LY9: variants seen among roughly 807,000 people sequenced by gnomAD.
The protein encoded by LY9 is T-lymphocyte surface antigen Ly-9.
LY9 carries 59 observed loss-of-function variants against 64.6 expected under a neutral mutation model. The observed-to-expected ratio is 0.91, with a 90% confidence interval of 0.74 to 1.13. LY9 has a LOEUF of 1.13. LY9 is among the 50% of genes most tolerant of loss of function. LY9 has a pLI of 0.00. For missense variants in LY9, 789 were observed against 797.2 expected, an observed-to-expected ratio of 0.99 and a Z score of 0.12; for synonymous variants, 281 against 308.5, an observed-to-expected ratio of 0.91 and a Z score of 0.93.
At chr1:160,804,934 A>G (rs1225882401) in intron 2 of LY9, among the ~76,000 whole-genome samples, 1 of 151,948 alleles carries the variant, frequency 6.6e-6, no homozygotes, top group African/African-American at 2.4e-5. Flanking sequence ...GTATTCCTGT[A>G]ATGTCAGTTG....
intron 2 of LY9, chr1:160,802,191 T>A: frequency 8.2e-7 from 1 of 1,213,960 alleles, no homozygotes; most frequent in African/African-American, 1.6e-5. Flanking sequence ...CAGTGGGGTT[T>A]GTGCTTGGTC....
In LY9 at chr1:160,813,876, G is replaced by C; in HGVS notation, c.695G>C (p.Ser232Thr). ...GCCCAGAACCCCGTCAGCCAGAGAA[G>C]CTCCCTCCCTGTCCATGTTGGGCAG... ...CTAQNPVSQR[S>T]SLPVHVGQFC... The change falls in exon 3 of 10, where the codon AGC becomes ACC. Residue 232 changes from serine to threonine, a missense_variant. Physicochemically the swap from Ser to Thr is moderately conservative, Grantham distance 58 (BLOSUM62 1). Coordinates refer to ENST00000263285, the MANE Select transcript of LY9 (RefSeq NM_002348.4). The C allele has an allele frequency of 6.2e-7, 1 of 1,614,174 alleles. No homozygotes were observed. Among genetic ancestry groups the C allele is most frequent in the South Asian group, 1.1e-5 (1 of 91,078 alleles).
At chr1:160,816,977 G>A in intron 5 of LY9, 114 bp downstream of exon 5, 1 of 990,448 alleles carries the variant, frequency 1.0e-6, no homozygotes, top group Non-Finnish European at 1.5e-6. Flanking sequence ...GAGCCCTTTA[G>A]AGTGGCATGC....
Position 160,823,089 on chromosome 1 carries a change from T to C in LY9, c.1499-376T>C, listed in dbSNP as rs372795689. On this transcript the variant is annotated intron_variant, in intron 7 of 9. Coordinates refer to ENST00000263285, the MANE Select transcript of LY9 (RefSeq NM_002348.4). ...GATACTTGGCAAAGCTGGCCTTACA[T>C]TACTGATTTACACATGCACCTGACT... Among the ~76,000 whole-genome samples the C allele has an allele frequency of 1.4e-3, 208 of 152,276 alleles. 1 individual carries two copies. Among genetic ancestry groups the C allele is most frequent in the African/African-American group, 4.5e-3 (189 of 41,564 alleles).
At chr1:160,824,340 G>A in intron 9 of LY9, 91 bp downstream of exon 9, 1 of 1,569,658 alleles carries the variant, frequency 6.4e-7, no homozygotes, top group African/African-American at 1.4e-5. Flanking sequence ...AGATTCCCAT[G>A]GCTAAGGATC....
At chr1:160,809,394 A>G (rs1392898846) in intron 2 of LY9, among the ~76,000 whole-genome samples, 1 of 151,328 alleles carries the variant, frequency 6.6e-6, no homozygotes, top group Non-Finnish European at 1.5e-5. Flanking sequence ...TCATAGAGAC[A>G]TAGTCTCATT....
intron 2 of LY9, chr1:160,802,254 C>A: frequency 1.9e-6 from 2 of 1,036,386 alleles, no homozygotes; most frequent in South Asian, 7.4e-5. Context: ...GACTCCCAAG[C>A]CTGTCCACCC....
intron 2 of LY9, chr1:160,801,971 C>G: frequency 1.3e-6 from 2 of 1,596,104 alleles, no homozygotes; most frequent in Non-Finnish European, 1.7e-6. Context: ...ACCTCACCGC[C>G]GCGCAGCAGA....
rs530746407 is a variant in LY9, at chr1:160,805,796, C to G, written c.454+5714C>G. Reference sequence around the variant, plus strand: ...ACACACACACACTCTTACTCTCACTCTCTCTCTGGTAATATTTGCTTTATG... The same window carrying G: ...ACACACACACACTCTTACTCTCACTGTCTCTCTGGTAATATTTGCTTTATG... On this transcript the variant is annotated intron_variant, in intron 2 of 9. Coordinates refer to ENST00000263285, the MANE Select transcript of LY9 (RefSeq NM_002348.4). Among the ~76,000 whole-genome samples the G allele has an allele frequency of 2.6e-4, 40 of 151,474 alleles. No homozygotes were observed. The South Asian group carries it at 8.1e-3, about 31-fold the overall frequency.
At chr1:160,806,210 GT>G (rs1666979517) in intron 2 of LY9, among the ~76,000 whole-genome samples, 1 of 151,900 alleles carries the variant, frequency 6.6e-6, no homozygotes, top group African/African-American at 2.4e-5. Context: ...CCTGTATACT[GT>G]TAATTATTTT....
At chr1:160,800,190 A>T in intron 2 of LY9, 108 bp downstream of exon 2, 1 of 785,886 alleles carries the variant, frequency 1.3e-6, no homozygotes. Context: ...ATACTGATCA[A>T]GTCAGAGTTT....
rs1202949592 is a variant in LY9, at chr1:160,814,288, C to T, written c.731-132C>T. On this transcript the variant is annotated intron_variant, in intron 3 of 9. Coordinates refer to ENST00000263285, the MANE Select transcript of LY9 (RefSeq NM_002348.4). Reference sequence around the variant, plus strand: ...TCATGGAGAAGTAGCAGGCATGCCCCTCAGAGGAGGAGGCCAGGAGAAAGA... The same window carrying T: ...TCATGGAGAAGTAGCAGGCATGCCCTTCAGAGGAGGAGGCCAGGAGAAAGA... 1.3e-5 allele frequency: 9 copies of T among 711,688 alleles called. No homozygotes were observed. The East Asian group carries it at 2.3e-4, about 18-fold the overall frequency. 44.1% of individuals were successfully genotyped at this position (711,688 alleles called of 1,614,324 possible). A position where few individuals can be genotyped will look rare whatever the true frequency, so the allele number is the denominator to read the frequency against.
At chr1:160,808,852 T>C (rs1667216594) in intron 2 of LY9, among the ~76,000 whole-genome samples, 1 of 152,206 alleles carries the variant, frequency 6.6e-6, no homozygotes, top group African/African-American at 2.4e-5. Context: ...ACAGACATTC[T>C]TTTTCTCCAG....
In LY9 at chr1:160,803,137, A is replaced by G. The variant is rs535781355; in HGVS notation, c.454+3055A>G. Reference sequence around the variant, plus strand: ...TCTATACTAAAAATACAAAAATTAGACAGGGGTGGTGATGGGCACCTGTAA... The same window carrying G: ...TCTATACTAAAAATACAAAAATTAGGCAGGGGTGGTGATGGGCACCTGTAA... On this transcript the variant is annotated intron_variant, in intron 2 of 9. Coordinates refer to ENST00000263285, the MANE Select transcript of LY9 (RefSeq NM_002348.4). Among the ~76,000 whole-genome samples, 4 of 152,160 alleles carry G rather than the reference A, an allele frequency of 2.6e-5. No individual in the cohort carries two copies. In the South Asian group the frequency reaches 8.3e-4, roughly 32 times the overall value.
rs558221288 is a variant in LY9, at chr1:160,796,746, G to A, written c.124+435G>A. 7.2e-5 allele frequency among the ~76,000 whole-genome samples: 11 copies of A among 152,296 alleles called. 1 individual carries two copies. Among genetic ancestry groups the A allele is most frequent in the Middle Eastern group, 6.8e-3 (2 of 294 alleles). On this transcript the variant is annotated intron_variant, in intron 1 of 9. Coordinates refer to ENST00000263285, the MANE Select transcript of LY9 (RefSeq NM_002348.4). The stretch of plus-strand genomic sequence containing the variant: ...AATTACTTTGCATGTGTGCATATTC[G>A]TGCACTATGAAGGGGGTAACATTCT...
intron 2 of LY9, chr1:160,810,499 AGGG>A (rs1667389141): frequency 6.6e-6 from 1 of 152,158 alleles, no homozygotes; most frequent in Non-Finnish European, 1.5e-5. Flanking sequence ...ATACTGTATT[AGGG>A]TTCACCCTAA....
intron 2 of LY9, among the ~76,000 whole-genome samples, chr1:160,801,592 G>T (rs1666485136): frequency 6.6e-6 from 1 of 152,090 alleles, no homozygotes; most frequent in Non-Finnish European, 1.5e-5. Flanking sequence ...TTTGTTACCT[G>T]TGCTTTTGAG....
chr1:160,818,147 G>A (rs1371673609), intron 5 of LY9, 71 bp from the exon 6 acceptor site: 2 of 982,280 alleles, frequency 2.0e-6, no homozygotes, highest in African/African-American at 1.6e-5. Context: ...TGGCCATCAT[G>A]TTCTGTGCAT....
At chr1:160,797,189 A>T (rs1471334635) in intron 1 of LY9, 1 of 985,348 alleles carries the variant, frequency 1.0e-6, no homozygotes, top group African/African-American at 1.7e-5. Flanking sequence ...CCAGTACCCC[A>T]GAGAGGATCT....
Sources: allele counts gnomAD v4.1 joint callset (sites outside exome capture counted in the v4.1 genomes callset), GRCh38; gene constraint gnomAD v4.1.1; transcripts MANE v1.5; gene names NCBI Gene and HGNC (gene_info 2026-07-23, HGNC 2026-07-21).